The following RIGI variants were observed in gnomAD, a reference collection of about 807,000 sequenced individuals.
The protein encoded by RIGI is antiviral innate immune response receptor RIG-I.
At chr9:32,471,951 G>A in the RIGI span, among the ~76,000 whole-genome samples, 4 of 152,254 alleles carry the variant, frequency 2.6e-5, no homozygotes, top group Non-Finnish European at 5.9e-5. Flanking sequence ...CTGACAGGGT[G>A]GGTATGGGAG....
the RIGI span, among the ~76,000 whole-genome samples, chr9:32,461,170 G>A: frequency 6.6e-6 from 1 of 152,026 alleles, no homozygotes; most frequent in Non-Finnish European, 1.5e-5. Flanking sequence ...TGAAAGAAAA[G>A]AACAGTCCAC....
At chr9:32,466,620 AG>A in the RIGI span, among the ~76,000 whole-genome samples, 3 of 136,138 alleles carry the variant, frequency 2.2e-5, no homozygotes, top group Non-Finnish European at 4.6e-5. Context: ...TGAACCCAGG[AG>A]TTTGAAGCTG....
chr9:32,484,799 T>C, the RIGI span, among the ~76,000 whole-genome samples: 1 of 152,216 alleles, frequency 6.6e-6, no homozygotes, highest in African/African-American at 2.4e-5. Context: ...CCTTTAATGC[T>C]GGGAAATGTG....
chr9:32,506,078 CG>C, the RIGI span, among the ~76,000 whole-genome samples: 12 of 152,104 alleles, frequency 7.9e-5, no homozygotes, highest in Non-Finnish European at 1.6e-4. Flanking sequence ...ATTAGCCAGG[CG>C]TGGTGGCTTG....
the RIGI span, among the ~76,000 whole-genome samples, chr9:32,487,231 T>G: frequency 3.9e-5 from 6 of 152,154 alleles, no homozygotes; most frequent in Admixed American, 3.9e-4. Flanking sequence ...TATAAGAGGT[T>G]TTTGGAAGCA....
the RIGI span, among the ~76,000 whole-genome samples, chr9:32,496,846 G>A: frequency 6.6e-6 from 1 of 152,124 alleles, no homozygotes; most frequent in Non-Finnish European, 1.5e-5. Context: ...TTTCCCCATT[G>A]AGTGGTCTTG....
chr9:32,488,811 T>A, the RIGI span: 1 of 1,613,440 alleles, frequency 6.2e-7, no homozygotes, highest in Non-Finnish European at 8.5e-7. Flanking sequence ...AAAAGACAAC[T>A]TTCCCCTTTT....
At chr9:32,485,398 G>T in the RIGI span, 1 of 724,082 alleles carries the variant, frequency 1.4e-6, no homozygotes. Flanking sequence ...TACTTCCTCT[G>T]AAAAACCTAA....
chr9:32,499,316 G>GTTTTTTTTTTT, the RIGI span, among the ~76,000 whole-genome samples: 301 of 57,618 alleles, frequency 5.2e-3, no homozygotes, highest in East Asian at 6.3e-3. Context: ...TTTGTGATTT[G>GTTTTTTTTTTT]TTTTTTTTTT....
chr9:32,492,557 G>C, the RIGI span: 334 of 1,613,242 alleles, frequency 2.1e-4, no homozygotes, highest in Non-Finnish European at 2.7e-4. Flanking sequence ...GGTAACTGTA[G>C]TTTATTGATC....
At chr9:32,478,268 C>T in the RIGI span, among the ~76,000 whole-genome samples, 4 of 152,176 alleles carry the variant, frequency 2.6e-5, no homozygotes, top group Non-Finnish European at 5.9e-5. Context: ...TGGTCTTGAA[C>T]TCCTGACCTC....
chr9:32,460,297 G>T, the RIGI span, among the ~76,000 whole-genome samples: 2 of 152,042 alleles, frequency 1.3e-5, no homozygotes, highest in Non-Finnish European at 2.9e-5. Context: ...GACTAATACA[G>T]CCCCCAACAT....
At chr9:32,492,337 C>G in the RIGI span, 4 of 1,596,954 alleles carry the variant, frequency 2.5e-6, no homozygotes, top group African/African-American at 4.0e-5. Flanking sequence ...TGTAAAAGAC[C>G]GGTTGGAATG....
the RIGI span, among the ~76,000 whole-genome samples, chr9:32,512,771 A>G: frequency 6.6e-5 from 10 of 152,318 alleles, no homozygotes; most frequent in African/African-American, 2.4e-4. Flanking sequence ...GAAAACAGAA[A>G]GTCCAATTGT....
At chr9:32,465,082 G>A in the RIGI span, among the ~76,000 whole-genome samples, 6 of 152,084 alleles carry the variant, frequency 3.9e-5, no homozygotes, top group African/African-American at 1.2e-4. Flanking sequence ...ATTAAAACTC[G>A]TGGTTTTAAA....
the RIGI span, among the ~76,000 whole-genome samples, chr9:32,458,160 C>T: frequency 6.6e-6 from 1 of 152,184 alleles, no homozygotes; most frequent in Non-Finnish European, 1.5e-5. Flanking sequence ...AGCCCAGCCC[C>T]TCCACTGTGC....
the RIGI span, chr9:32,489,358 A>G: frequency 1.9e-6 from 3 of 1,611,388 alleles, no homozygotes; most frequent in South Asian, 3.3e-5. Flanking sequence ...AGGAGCACAT[A>G]TTATTGTGTT....
chr9:32,490,449 A>G, the RIGI span, among the ~76,000 whole-genome samples: 1 of 152,092 alleles, frequency 6.6e-6, no homozygotes, highest in African/African-American at 2.4e-5. Context: ...ACTCATATTC[A>G]TGTATCTGTT....
the RIGI span, among the ~76,000 whole-genome samples, chr9:32,455,469 C>T: frequency 6.6e-6 from 1 of 152,030 alleles, no homozygotes; most frequent in African/African-American, 2.4e-5. Context: ...ATAAAACCAT[C>T]AGATCTCATG....
Sources: gnomAD v4.1 joint callset for allele counts (sites outside exome capture counted in the v4.1 genomes callset) on GRCh38, gnomAD v4.1.1 for gene constraint, MANE v1.5 for transcripts, NCBI Gene and HGNC (gene_info 2026-07-23, HGNC 2026-07-21) for gene names.